LMLN: variants seen among roughly 807,000 people sequenced by gnomAD.
LMLN encodes leishmanolysin-like peptidase.
LMLN carries 70 observed loss-of-function variants against 92.3 expected under a neutral mutation model. That is an observed-to-expected ratio of 0.76 (90% CI 0.63 to 0.92). The LOEUF is 0.92. Among genes scored for constraint, LMLN ranks in the 40% least tolerant of loss-of-function variants. LMLN has a pLI of 0.00. For synonymous variants in LMLN, 308 were observed against 296.2 expected (o/e 1.04, Z -0.41); for missense variants, 691 against 814.6 (o/e 0.85, Z 1.85).
At position 197,977,851 on chromosome 3, in the gene LMLN, A is replaced by G. The variant is rs557215378; in HGVS notation, c.549+1136A>G. ...GGAAGTACACACACGTTAAATCTGG[A>G]TACATATAAAAATCATCAAACAATC... On this transcript the variant is annotated intron_variant, in intron 5 of 15. Coordinates refer to ENST00000330198, the Ensembl canonical transcript of LMLN. Among the ~76,000 whole-genome samples the G allele has an allele frequency of 2.0e-5, 3 of 152,092 alleles. No individual in the cohort carries two copies. The East Asian group carries it at 5.8e-4, about 29-fold the overall frequency.
At chr3:197,979,510 G>A (rs925645539) in intron 5 of LMLN, among the ~76,000 whole-genome samples, 12 of 152,076 alleles carry the variant, frequency 7.9e-5, no homozygotes, top group South Asian at 2.1e-4. Context: ...GTGAGACCCC[G>A]TCTATATATA....
chr3:197,984,317 G>A (rs574150370), intron 7 of LMLN, among the ~76,000 whole-genome samples: 48 of 152,128 alleles, frequency 3.2e-4, no homozygotes, highest in Middle Eastern at 3.4e-3. Flanking sequence ...GCAGTGAGCC[G>A]AGATTGTGCC....
rs181044723 is a variant in LMLN, at chr3:197,968,314, A to T, written c.220-6063A>T. Among the ~76,000 whole-genome samples the T allele has an allele frequency of 3.6e-4, 55 of 152,150 alleles. No homozygotes were observed. In the East Asian group the frequency reaches 6.6e-3, roughly 18 times the overall value. On this transcript the variant is annotated intron_variant, in intron 1 of 15. Transcript: ENST00000330198. ...ACCCCGTCTGTACTAAAAATAAAAA[A>T]AAAAAATTAGCTGGGTGTGGTGGCA...
chr3:198,022,812 T>A (rs1722818016), intron 13 of LMLN, among the ~76,000 whole-genome samples: 1 of 152,172 alleles, frequency 6.6e-6, no homozygotes, highest in Admixed American at 6.5e-5. Flanking sequence ...TGAGTCGAGA[T>A]CATGCCCCTG....
At chr3:198,038,633 T>C in exon 16 of LMLN, 2 of 1,614,038 alleles carry the variant, frequency 1.2e-6, no homozygotes, top group Non-Finnish European at 1.7e-6. Context: ...CTGTTTCCTC[T>C]GCTGGCTGGA....
rs577221086 is a variant in LMLN, at chr3:198,011,329, T to A, written c.1233-7924T>A. ...TGATGTTCCCCTTCCTGTGTCCATG[T>A]GTTCTCATTGTTCAATTCCCACCTA... On this transcript the variant is annotated intron_variant, in intron 11 of 15. Transcript: ENST00000330198. Among the ~76,000 whole-genome samples the A allele has an allele frequency of 7.2e-5, 11 of 152,080 alleles. No individual in the cohort carries two copies. In the East Asian group the frequency reaches 1.9e-3, roughly 27 times the overall value.
At chr3:197,988,606 C>T (rs756090823) in intron 8 of LMLN, among the ~76,000 whole-genome samples, 31 of 150,688 alleles carry the variant, frequency 2.1e-4, no homozygotes, top group Non-Finnish European at 4.0e-4. Context: ...GTGATCTTCC[C>T]ACCTCAGCCT....
intron 11 of LMLN, among the ~76,000 whole-genome samples, chr3:198,016,256 G>A (rs2109929402): frequency 6.6e-6 from 1 of 151,864 alleles, no homozygotes; most frequent in East Asian, 1.9e-4. Flanking sequence ...CCTAGGTTAG[G>A]TCATAAAGCA....
chr3:198,010,261 C>T (rs1255116391), intron 11 of LMLN, among the ~76,000 whole-genome samples: 1 of 152,144 alleles, frequency 6.6e-6, no homozygotes, highest in Non-Finnish European at 1.5e-5. Context: ...TCAAACAATT[C>T]TCCCGACTCA....
chr3:197,965,638 A>G (rs1721036505), intron 1 of LMLN, among the ~76,000 whole-genome samples: 1 of 152,218 alleles, frequency 6.6e-6, no homozygotes, highest in African/African-American at 2.4e-5. Flanking sequence ...CTATTGGCCA[A>G]GTACAGTCAC....
intron 11 of LMLN, among the ~76,000 whole-genome samples, chr3:198,005,793 C>G (rs546186598): frequency 6.6e-6 from 1 of 152,068 alleles, no homozygotes; most frequent in Non-Finnish European, 1.5e-5. Flanking sequence ...CGCCACCACT[C>G]CCGGCTAATT....
At chr3:198,018,052 A>C (rs1433021813) in intron 11 of LMLN, among the ~76,000 whole-genome samples, 2 of 152,224 alleles carry the variant, frequency 1.3e-5, no homozygotes, top group African/African-American at 4.8e-5. Flanking sequence ...GGAATTTGTA[A>C]GCCATGAATC....
At chr3:197,991,448 T>C (rs377151643) in intron 9 of LMLN, among the ~76,000 whole-genome samples, 1 of 152,032 alleles carries the variant, frequency 6.6e-6, no homozygotes. Context: ...ACTGTGGAAG[T>C]TGGGCGAGTT....
rs1400570456 is a variant in LMLN, at chr3:198,019,537, C to A, written c.1365+152C>A. The A allele has an allele frequency of 1.4e-6, 1 of 726,548 alleles. No individual in the cohort carries two copies. Among genetic ancestry groups the A allele is most frequent in the Middle Eastern group, 3.8e-4 (1 of 2,624 alleles). 45.0% of individuals were successfully genotyped at this position (726,548 alleles called of 1,614,324 possible). On this transcript the variant is annotated intron_variant, in intron 12 of 15. Coordinates refer to ENST00000330198, the Ensembl canonical transcript of LMLN. This position sits in a 1 kb window ranked among gnomAD's most constrained non-coding sequence, Gnocchi z 5.5. ...AAAAAATGGAATAATGCTTCCATTT[C>A]TTTAAAACTAATGTCCTAATTGATA... is the stretch of plus-strand genomic sequence containing the variant.
chr3:198,024,679 C>T, exon 14 of LMLN: 2 of 1,596,396 alleles, frequency 1.3e-6, no homozygotes, highest in East Asian at 2.3e-5. Context: ...AACTATGGCG[C>T]TGAAAAGTAT....
At chr3:197,982,580 A>G (rs1444770386) in intron 6 of LMLN, among the ~76,000 whole-genome samples, 1 of 152,196 alleles carries the variant, frequency 6.6e-6, no homozygotes, top group Non-Finnish European at 1.5e-5. Flanking sequence ...GCTATATTGC[A>G]TTAATTCATT....
intron 9 of LMLN, among the ~76,000 whole-genome samples, chr3:197,992,486 TCATGAGAGA>T (rs1438434413): frequency 1.3e-4 from 20 of 152,108 alleles, no homozygotes; most frequent in Admixed American, 1.2e-3. Context: ...ACACAAAGGA[TCATGAGAGA>T]CTGTTATAAA....
At chr3:198,008,281 A>T (rs1299153835) in intron 11 of LMLN, among the ~76,000 whole-genome samples, 1 of 152,160 alleles carries the variant, frequency 6.6e-6, no homozygotes, top group Non-Finnish European at 1.5e-5. Flanking sequence ...TCTTTTTCAA[A>T]TCTGACACAT....
intron 11 of LMLN, among the ~76,000 whole-genome samples, chr3:198,006,405 A>G (rs546325165): frequency 8.5e-5 from 13 of 152,330 alleles, no homozygotes; most frequent in African/African-American, 2.9e-4. Flanking sequence ...GTGTGTGAAC[A>G]TATATCTTTA....
Sources: gnomAD v4.1 joint callset for allele counts (sites outside exome capture counted in the v4.1 genomes callset) on GRCh38, gnomAD v4.1.1 for gene constraint, Gnocchi (gnomAD v3.1) non-coding constraint, MANE v1.5 for transcripts, NCBI Gene and HGNC (gene_info 2026-07-23, HGNC 2026-07-21) for gene names.